The following VSNL1 variants were observed in gnomAD, a reference collection of about 807,000 sequenced individuals.
VSNL1 encodes the protein visinin like 1.
Under a neutral mutation model 20.4 loss-of-function variants are expected in VSNL1, and 6 were observed. The observed-to-expected ratio is 0.29, with a 90% CI of 0.16 to 0.58. The LOEUF (loss-of-function observed/expected upper bound fraction) is 0.58, where lower values mean the gene tolerates loss of function less well. VSNL1 is among the 20% of genes least tolerant of loss of function. The probability of loss-of-function intolerance (pLI) is 0.90; values close to 1 mark genes in which losing one functional copy is unlikely to be tolerated. For missense variants in VSNL1, 100 were observed against 234.5 expected (o/e 0.43, Z 3.75); for synonymous variants, 93 against 86.4 (o/e 1.08, Z -0.42).
Position 17,617,054 on chromosome 2 carries a change from C to G in VSNL1, c.162+24818C>G, listed in dbSNP as rs542522608. ...CAACCTGACCATTTTTGAGCTCCCCCCTGTTCCTTAGTCTAAATTTATGAT... is the reference window on the plus strand; with the variant it reads ...CAACCTGACCATTTTTGAGCTCCCCGCTGTTCCTTAGTCTAAATTTATGAT... On this transcript the variant is annotated intron_variant, in intron 2 of 3. Coordinates refer to ENST00000295156, the MANE Select transcript of VSNL1 (RefSeq NM_003385.5). 5.4e-4 allele frequency among the ~76,000 whole-genome samples: 83 copies of G among 152,334 alleles called. 1 individual carries two copies. The highest frequency in any genetic ancestry group is 1.8e-3 in the African/African-American group (76 of 41,570).
At chr2:17,585,764 T>C (rs761127156) in intron 1 of VSNL1, among the ~76,000 whole-genome samples, 21 of 151,766 alleles carry the variant, frequency 1.4e-4, no homozygotes, top group African/African-American at 4.4e-4. Flanking sequence ...GCAAATCTTT[T>C]CAAGCTTTGG....
intron 1 of VSNL1, among the ~76,000 whole-genome samples, chr2:17,585,562 C>T (rs1664451271): frequency 6.8e-6 from 1 of 147,068 alleles, no homozygotes; most frequent in Non-Finnish European, 1.5e-5. Flanking sequence ...GGCTTACAAG[C>T]TTTGAGTGTT....
intron 1 of VSNL1, among the ~76,000 whole-genome samples, chr2:17,574,471 A>G (rs1163943269): frequency 1.3e-5 from 2 of 152,076 alleles, no homozygotes; most frequent in Non-Finnish European, 2.9e-5. Context: ...TCTTGCCTTC[A>G]TCTTTCTTAT....
chr2:17,568,222 C>T (rs1454116951), intron 1 of VSNL1, among the ~76,000 whole-genome samples: 1 of 151,768 alleles, frequency 6.6e-6, no homozygotes, highest in Non-Finnish European at 1.5e-5. Flanking sequence ...GTTTTGATAC[C>T]TATTTTGTTA....
intron 2 of VSNL1, among the ~76,000 whole-genome samples, chr2:17,645,585 T>A (rs1485669518): frequency 6.6e-6 from 1 of 152,238 alleles, no homozygotes; most frequent in Non-Finnish European, 1.5e-5. Flanking sequence ...GCCCAGAGGC[T>A]AATGTGTCTG....
chr2:17,605,938 A>C (rs1208110406), intron 2 of VSNL1, among the ~76,000 whole-genome samples: 1 of 152,258 alleles, frequency 6.6e-6, no homozygotes, highest in Non-Finnish European at 1.5e-5. Flanking sequence ...CATTCGTTGA[A>C]TGCTCAGTGT....
At chr2:17,652,690 A>T (rs542986782) in intron 3 of VSNL1, among the ~76,000 whole-genome samples, 1 of 152,210 alleles carries the variant, frequency 6.6e-6, no homozygotes, top group South Asian at 2.1e-4. Flanking sequence ...GAGCACCAAG[A>T]GTTGTTCAGC....
intron 3 of VSNL1, among the ~76,000 whole-genome samples, chr2:17,653,855 C>T (rs1002217399): frequency 6.6e-6 from 1 of 152,052 alleles, no homozygotes; most frequent in Non-Finnish European, 1.5e-5. Flanking sequence ...ATTTTTATTC[C>T]CCCAGTTAGA....
intron 2 of VSNL1, among the ~76,000 whole-genome samples, chr2:17,629,928 A>T (rs1178993739): frequency 6.6e-6 from 1 of 152,184 alleles, no homozygotes; most frequent in Non-Finnish European, 1.5e-5. Context: ...CAGGCTTTTT[A>T]TGGACTCGGA....
chr2:17,604,235 T>G (rs898411342), intron 2 of VSNL1, among the ~76,000 whole-genome samples: 4 of 152,240 alleles, frequency 2.6e-5, no homozygotes, highest in African/African-American at 7.2e-5. Flanking sequence ...AAAACACTCC[T>G]TGCACTGAGC....
intron 1 of VSNL1, among the ~76,000 whole-genome samples, chr2:17,544,082 T>C (rs1028016258): frequency 6.6e-6 from 1 of 152,174 alleles, no homozygotes; most frequent in Non-Finnish European, 1.5e-5. Context: ...AGGAGCTTGA[T>C]GATTGGAATG....
intron 2 of VSNL1, among the ~76,000 whole-genome samples, chr2:17,620,298 T>G (rs554336394): frequency 6.6e-6 from 1 of 152,204 alleles, no homozygotes; most frequent in Non-Finnish European, 1.5e-5. Context: ...GTGAAGGGTT[T>G]TAAGTAGCAT....
chr2:17,644,338 G>C (rs931954321), intron 2 of VSNL1, among the ~76,000 whole-genome samples: 2 of 152,214 alleles, frequency 1.3e-5, no homozygotes, highest in East Asian at 1.9e-4. Context: ...CCAGGACAAG[G>C]AGTTAGAGGT....
intron 1 of VSNL1, among the ~76,000 whole-genome samples, chr2:17,550,929 G>T (rs1228894353): frequency 6.6e-6 from 1 of 152,086 alleles, no homozygotes; most frequent in Admixed American, 6.6e-5. Context: ...GCCAACTCTC[G>T]CATAAAACTG....
At chr2:17,587,698 G>A (rs917323894) in intron 1 of VSNL1, among the ~76,000 whole-genome samples, 1 of 152,134 alleles carries the variant, frequency 6.6e-6, no homozygotes, top group Non-Finnish European at 1.5e-5. Flanking sequence ...AAGCAGTGGG[G>A]TGCGAGAGAA....
intron 1 of VSNL1, among the ~76,000 whole-genome samples, chr2:17,570,140 T>A (rs1409308150): frequency 6.6e-6 from 1 of 152,232 alleles, no homozygotes; most frequent in Non-Finnish European, 1.5e-5. Flanking sequence ...TGACCTCTTC[T>A]CTTTTCACTT....
chr2:17,626,865 G>A (rs1287201644), intron 2 of VSNL1, among the ~76,000 whole-genome samples: 3 of 152,190 alleles, frequency 2.0e-5, no homozygotes, highest in Non-Finnish European at 2.9e-5. Flanking sequence ...GAAGAACTGC[G>A]GCTCTCAGAT....
At chr2:17,613,831 T>G (rs888883735) in intron 2 of VSNL1, among the ~76,000 whole-genome samples, 10 of 152,214 alleles carry the variant, frequency 6.6e-5, no homozygotes, top group African/African-American at 1.9e-4. Flanking sequence ...AAATAGCTTC[T>G]TCCATTTAAA....
At chr2:17,568,946 C>T in intron 1 of VSNL1, among the ~76,000 whole-genome samples, 1 of 152,136 alleles carries the variant, frequency 6.6e-6, no homozygotes. Context: ...AATGGCTCTT[C>T]CTGTAAGTTA....
Sources: allele counts gnomAD v4.1 joint callset (sites outside exome capture counted in the v4.1 genomes callset), GRCh38; gene constraint gnomAD v4.1.1; transcripts MANE v1.5; gene names NCBI Gene and HGNC (gene_info 2026-07-23, HGNC 2026-07-21).